DGKB: variants seen among roughly 807,000 people sequenced by gnomAD.
DGKB encodes 90 kDa diacylglycerol kinase.
A neutral mutation model predicts 114.3 loss-of-function variants in DGKB; 67 were observed. The observed-to-expected ratio is 0.59, with a 90% CI of 0.48 to 0.72. The LOEUF is 0.72. Ranked by LOEUF, DGKB falls within the 30% of genes least tolerant of loss-of-function variation. DGKB has a pLI of 0.00. For synonymous variants in DGKB, 398 were observed against 323.1 expected (o/e 1.23, Z -2.49); for missense variants, 907 against 975.2 (o/e 0.93, Z 0.93).
intron 9 of DGKB, among the ~76,000 whole-genome samples, chr7:14,690,221 A>G (rs187310069): frequency 5.3e-5 from 8 of 152,354 alleles, no homozygotes; most frequent in Admixed American, 3.3e-4. Flanking sequence ...GGAAAAGGAA[A>G]TGTTCAAACT....
At chr7:14,690,120 A>G (rs142364254) in intron 9 of DGKB, among the ~76,000 whole-genome samples, 376 of 152,338 alleles carry the variant, frequency 2.5e-3, no homozygotes, top group African/African-American at 8.5e-3. Context: ...CCTATAATAT[A>G]AATTCAGGAA....
chr7:14,679,181 C>A, intron 12 of DGKB, among the ~76,000 whole-genome samples: 1 of 94,004 alleles, frequency 1.1e-5, no homozygotes, highest in South Asian at 4.0e-4. Flanking sequence ...ATGGAGTGCC[C>A]TCTGGAAAAC....
chr7:14,910,424 A>T (rs894245520), intron 1 of DGKB, among the ~76,000 whole-genome samples: 1 of 152,138 alleles, frequency 6.6e-6, no homozygotes, highest in East Asian at 1.9e-4. Context: ...TCCAAAACAT[A>T]TTAAAAGAAA....
chr7:14,171,584 G>A (rs12699574), intron 25 of DGKB, among the ~76,000 whole-genome samples: 1 of 151,980 alleles, frequency 6.6e-6, no homozygotes, highest in African/African-American at 2.4e-5. Context: ...GGAAATAGAA[G>A]GATTAAATCT....
intron 1 of DGKB, among the ~76,000 whole-genome samples, chr7:14,967,882 A>G (rs1019177796): frequency 6.6e-6 from 1 of 152,120 alleles, no homozygotes. Context: ...AATGTATTAG[A>G]GAGATTGAGA....
intron 23 of DGKB, among the ~76,000 whole-genome samples, chr7:14,338,267 C>A (rs1425840569): frequency 6.6e-6 from 1 of 151,942 alleles, no homozygotes; most frequent in Non-Finnish European, 1.5e-5. Context: ...TGAAATACCC[C>A]AAATGTATTT....
intron 25 of DGKB, among the ~76,000 whole-genome samples, chr7:14,153,980 T>A (rs1782596552): frequency 6.6e-6 from 1 of 151,948 alleles, no homozygotes; most frequent in South Asian, 2.1e-4. Context: ...TTATGTACCC[T>A]TTAAAACGTA....
intron 23 of DGKB, among the ~76,000 whole-genome samples, chr7:14,254,446 C>T (rs142756432): frequency 2.0e-5 from 3 of 152,010 alleles, no homozygotes; most frequent in African/African-American, 4.8e-5. Context: ...TAAAATGGAC[C>T]ACAGAATATA....
At chr7:14,709,316 A>G (rs1425892877) in intron 6 of DGKB, among the ~76,000 whole-genome samples, 1 of 146,610 alleles carries the variant, frequency 6.8e-6, no homozygotes, top group Non-Finnish European at 1.5e-5. Context: ...TCAGGAAACA[A>G]CAGGTGCTGG....
At chr7:14,429,673 A>C (rs1422007539) in intron 21 of DGKB, among the ~76,000 whole-genome samples, 1 of 152,168 alleles carries the variant, frequency 6.6e-6, no homozygotes, top group Non-Finnish European at 1.5e-5. Flanking sequence ...CTGTAATCCC[A>C]GCACTTTGAG....
chr7:14,167,068 G>C (rs1271604310), intron 25 of DGKB, among the ~76,000 whole-genome samples: 2 of 152,088 alleles, frequency 1.3e-5, no homozygotes, highest in East Asian at 3.9e-4. Flanking sequence ...AAAATTACCT[G>C]AGCGTAGTAG....
In DGKB at chr7:14,811,614, A is replaced by G. The variant is rs41487245; in HGVS notation, c.70+29580T>C. 1.3e-3 allele frequency among the ~76,000 whole-genome samples: 200 copies of G among 152,284 alleles called. 1 individual carries two copies. The East Asian group carries it at 0.037, about 28-fold the overall frequency. On this transcript the variant is annotated intron_variant, in intron 2 of 25. Transcript: ENST00000402815. ...ATCATGGAAATGGAAAAATGAGTAT[A>G]TCATATCAACTTCAGGTGAAGGTGA...
At chr7:14,447,698 AC>A (rs1830914865) in intron 21 of DGKB, among the ~76,000 whole-genome samples, 2 of 152,124 alleles carry the variant, frequency 1.3e-5, no homozygotes, top group Admixed American at 1.3e-4. Context: ...TGTTCAAAAC[AC>A]TTCTAGATAC....
intron 20 of DGKB, among the ~76,000 whole-genome samples, chr7:14,526,755 C>G (rs540625044): frequency 6.6e-6 from 1 of 152,074 alleles, no homozygotes; most frequent in Admixed American, 6.6e-5. Context: ...TAATGCAGTT[C>G]GTAATAGAGA....
At chr7:14,664,727 TC>T (rs1489016777) in intron 13 of DGKB, among the ~76,000 whole-genome samples, 3 of 151,992 alleles carry the variant, frequency 2.0e-5, no homozygotes, top group African/African-American at 7.2e-5. Context: ...GGATTAAGAT[TC>T]CCACCTCTAG....
intron 9 of DGKB, among the ~76,000 whole-genome samples, chr7:14,693,485 T>A (rs1297230583): frequency 6.6e-6 from 1 of 151,772 alleles, no homozygotes; most frequent in African/African-American, 2.4e-5. Context: ...CCAAGAAAAC[T>A]TTTGACAGGC....
rs1442612955 is a variant in DGKB at position 14,607,440 on chromosome 7, A to G, written c.1427T>C (p.Met476Thr). 6.5e-7 allele frequency: 1 copy of G among 1,531,772 alleles called. No individual in the cohort carries two copies. The highest frequency in any genetic ancestry group is 9.0e-7 in the Non-Finnish European group (1 of 1,107,314). The allele number at this position is 1,531,772 out of a possible 1,614,324, so 94.9% of individuals were successfully genotyped here. Residue 476 changes from methionine to threonine, a missense_variant, in exon 17 of 26, where the codon ATG becomes ACG. This residue lies in a region of DGKB where 814 missense variants were observed against 856.6 expected (regional missense o/e 0.95). Transcript: ENST00000402815. ...QVYSLSGNGP[M>T]PGLNFFRDVP... ...ATATTATCCTTGGACTTACCCTGGC[A>G]TTGGTCCATTTCCAGAAAGACTGTA...
chr7:14,571,466 G>T (rs1798371326), intron 20 of DGKB, among the ~76,000 whole-genome samples: 1 of 152,116 alleles, frequency 6.6e-6, no homozygotes, highest in African/African-American at 2.4e-5. Context: ...CTGACTTTAG[G>T]GCCAGCAGCT....
intron 17 of DGKB, among the ~76,000 whole-genome samples, chr7:14,607,089 C>G (rs191718925): frequency 6.6e-6 from 1 of 151,326 alleles, no homozygotes; most frequent in Non-Finnish European, 1.5e-5. Context: ...ATAAGAAGTA[C>G]AATAAAAGAG....
Sources: gnomAD v4.1 joint callset for allele counts (sites outside exome capture counted in the v4.1 genomes callset) on GRCh38, gnomAD v4.1.1 for gene constraint, gnomAD v4.1.1 regional missense constraint, MANE v1.5 for transcripts, NCBI Gene and HGNC (gene_info 2026-07-23, HGNC 2026-07-21) for gene names.